Variants in WSB2 observed in about 807,000 individuals in gnomAD.
The protein encoded by WSB2 is WD repeat and SOCS box containing 2.
In WSB2, 12 loss-of-function variants were observed where a neutral mutation model predicts 48.8. That is an observed-to-expected ratio of 0.25 (90% CI 0.16 to 0.40). WSB2 has a LOEUF of 0.40. Among genes scored for constraint, WSB2 ranks in the 10% least tolerant of loss-of-function variants. The probability of loss-of-function intolerance (pLI) is 1.00; values close to 1 mark genes in which losing one functional copy is unlikely to be tolerated. For synonymous variants in WSB2, 191 were observed against 203.1 expected, an observed-to-expected ratio of 0.94 and a Z score of 0.51; for missense variants, 317 against 506.2, an observed-to-expected ratio of 0.63 and a Z score of 3.59.
intron 2 of WSB2, among the ~76,000 whole-genome samples, chr12:118,048,830 G>T (rs982624282): frequency 6.6e-6 from 1 of 152,024 alleles, no homozygotes; most frequent in Non-Finnish European, 1.5e-5. Context: ...AAAAAAAATT[G>T]TTATTGTTTT....
chr12:118,060,964 G>C lies in WSB2; in HGVS notation c.13+72C>G. 4 of 619,404 alleles carry C rather than the reference G, an allele frequency of 6.5e-6. No homozygotes were observed. Among genetic ancestry groups the C allele is most frequent in the Non-Finnish European group, 8.1e-6 (4 of 496,194 alleles). 38.4% of individuals were successfully genotyped at this position (619,404 alleles called of 1,614,324 possible). ...ACCCCGCCCAGCCCGCCCCGGGGTC[G>C]CCTCCCCCCTCCCCGGGGAGAACGG... On this transcript the variant is annotated intron_variant, in intron 1 of 8. Transcript: ENST00000315436. The surrounding 1 kb of genome is among the most constrained non-coding windows in gnomAD (Gnocchi z 4.1).
chr12:118,045,362 C>G (rs1002009052), intron 2 of WSB2, among the ~76,000 whole-genome samples: 7 of 130,502 alleles, frequency 5.4e-5, no homozygotes, highest in Non-Finnish European at 1.1e-4. Flanking sequence ...AAGACTCCAT[C>G]TCAAAAAAAA....
chr12:118,034,942 TCAG>T, intron 8 of WSB2, 41 bp downstream of exon 8: 1 of 1,584,874 alleles, frequency 6.3e-7, no homozygotes, highest in Non-Finnish European at 8.7e-7. Context: ...CATGGTATAC[TCAG>T]CAGAAAGCAC....
rs565389822 is a variant in WSB2, at chr12:118,047,719, C to G, written c.183-4342G>C. On this transcript the variant is annotated intron_variant, in intron 2 of 8. Coordinates refer to ENST00000315436, the MANE Select transcript of WSB2 (RefSeq NM_018639.5). ...CAGAGCAAGACCTTTTCTCTGCCCC[C>G]CAAAAAGCCCGATTATTTTAAATTA... Among the ~76,000 whole-genome samples, 34 of 151,638 alleles carry G rather than the reference C, an allele frequency of 2.2e-4. No individual in the cohort carries two copies. The East Asian group carries it at 3.5e-3, about 16-fold the overall frequency.
intron 8 of WSB2, chr12:118,034,572 G>GCTCTCTCTCTCTCTCTCTCTCT: frequency 2.2e-6 from 1 of 453,668 alleles, no homozygotes. Flanking sequence ...TGATACCAAA[G>GCTCTCTCTCTCTCTCTCTCTCT]CGCTCTCTCT....
chr12:118,047,860 G>A (rs2137785462), intron 2 of WSB2, among the ~76,000 whole-genome samples: 1 of 152,276 alleles, frequency 6.6e-6, no homozygotes, highest in South Asian at 2.1e-4. Flanking sequence ...ATAAATTTTT[G>A]TGTATATACA....
Position 118,052,416 on chromosome 12 carries a change from T to A in WSB2, c.76A>T (p.Ser26Cys). The change falls in exon 2 of 9, where the codon AGC becomes TGC. Residue 26 changes from serine to cysteine, a missense_variant. Ser to Cys is a moderately radical substitution (Grantham distance 112, BLOSUM62 -1). Coordinates refer to ENST00000315436, the MANE Select transcript of WSB2 (RefSeq NM_018639.5). Reference sequence around the variant, plus strand: ...AAGGCGACGCTCCAGGTTTCACAGCTGGACTTCCAATCAAACTGGTGGGGG... The same window carrying A: ...AAGGCGACGCTCCAGGTTTCACAGCAGGACTTCCAATCAAACTGGTGGGGG... ...GRPHQFDWKS[S>C]CETWSVAFSP... is the part of the protein sequence containing the mutation. 6.2e-7 allele frequency: 1 copy of A among 1,614,212 alleles called. No individual in the cohort carries two copies.
chr12:118,035,153 T>G, intron 7 of WSB2, 60 bp from the exon 8 acceptor site: 1 of 1,612,328 alleles, frequency 6.2e-7, no homozygotes, highest in African/African-American at 1.3e-5. Context: ...CAAGAGGGCC[T>G]TGCTGCCATT....
intron 1 of WSB2, among the ~76,000 whole-genome samples, chr12:118,054,123 G>A (rs2031905338): frequency 2.0e-5 from 3 of 148,078 alleles, no homozygotes; most frequent in Admixed American, 7.0e-5. Flanking sequence ...TGTAATCCCA[G>A]CACTTTGGGA....
At chr12:118,056,126 T>TCAAA (rs1220458842) in intron 1 of WSB2, among the ~76,000 whole-genome samples, 1 of 152,118 alleles carries the variant, frequency 6.6e-6, no homozygotes, top group Non-Finnish European at 1.5e-5. Context: ...GTGGTCAGTT[T>TCAAA]CAAACACTGT....
rs1423342293 is a variant in WSB2, at chr12:118,060,238, T to A, written c.13+798A>T. 6.6e-6 allele frequency among the ~76,000 whole-genome samples: 1 copy of A among 152,126 alleles called. No homozygotes were observed. Among genetic ancestry groups the A allele is most frequent in the Non-Finnish European group, 1.5e-5 (1 of 68,024 alleles). On this transcript the variant is annotated intron_variant, in intron 1 of 8. Transcript: ENST00000315436. The surrounding 1 kb of genome is among the most constrained non-coding windows in gnomAD (Gnocchi z 4.1). Reference sequence around the variant, plus strand: ...TGCATAAGAGACACACCTTTCCCACTGAGATTTTATGTTCATCTGGGCTGG... The same window carrying A: ...TGCATAAGAGACACACCTTTCCCACAGAGATTTTATGTTCATCTGGGCTGG...
At chr12:118,038,224 C>T (rs2031555606) in intron 5 of WSB2, 64 bp downstream of exon 5, 2 of 1,499,630 alleles carry the variant, frequency 1.3e-6, no homozygotes, top group Non-Finnish European at 1.8e-6. Context: ...CACTCACACA[C>T]ACCAGGCCAC....
At chr12:118,043,582 C>G (rs985050056) in intron 2 of WSB2, among the ~76,000 whole-genome samples, 4 of 152,118 alleles carry the variant, frequency 2.6e-5, no homozygotes, top group Non-Finnish European at 5.9e-5. Flanking sequence ...GTAGCTAGGA[C>G]GACAGGCATG....
At chr12:118,037,532 G>T (rs189989971) in intron 5 of WSB2, among the ~76,000 whole-genome samples, 3 of 152,040 alleles carry the variant, frequency 2.0e-5, no homozygotes, top group Admixed American at 6.6e-5. Flanking sequence ...GCCAGGCGTG[G>T]TGTAGCACGC....
At chr12:118,034,805 T>G (rs2031468314) in intron 8 of WSB2, 181 bp downstream of exon 8, 1 of 612,488 alleles carries the variant, frequency 1.6e-6, no homozygotes, top group South Asian at 2.3e-5. Flanking sequence ...TTAGGTTAAA[T>G]ATTCAGAGAA....
At chr12:118,058,623 C>T (rs1241131498) in intron 1 of WSB2, among the ~76,000 whole-genome samples, 1 of 152,108 alleles carries the variant, frequency 6.6e-6, no homozygotes, top group African/African-American at 2.4e-5. Flanking sequence ...AACTGCTGGG[C>T]CACTGCGCCT....
Position 118,034,405 on chromosome 12 carries a change from T to C in WSB2, c.1053-47A>G. ...TGCTAAGACAGAGCTTGGATGTTCATGTTTTCATGAGGATGAATACTCATG... is the reference window on the plus strand; with the variant it reads ...TGCTAAGACAGAGCTTGGATGTTCACGTTTTCATGAGGATGAATACTCATG... On this transcript the variant is annotated intron_variant, in intron 8 of 8. Transcript: ENST00000315436. 1.9e-6 allele frequency: 3 copies of C among 1,600,446 alleles called. No individual in the cohort carries two copies. The Middle Eastern group carries it at 5.0e-4, about 267-fold the overall frequency.
At chr12:118,057,266 G>T (rs558792128) in intron 1 of WSB2, among the ~76,000 whole-genome samples, 1 of 152,100 alleles carries the variant, frequency 6.6e-6, no homozygotes, top group South Asian at 2.1e-4. Flanking sequence ...ATGAATCAGG[G>T]TTTCTTTGTT....
At position 118,043,241 on chromosome 12, in the gene WSB2, T is replaced by G; in HGVS notation, c.319A>C (p.Ser107Arg). 1.2e-6 allele frequency: 2 copies of G among 1,614,222 alleles called. No homozygotes were observed. The highest frequency in any genetic ancestry group is 1.6e-4 in the Middle Eastern group (1 of 6,062). ...LAFSPWPSPP[S>R]RKLWARHHPQ... The stretch of plus-strand genomic sequence containing the variant: ...TGGTGGCGTGCCCAGAGCTTCCTGC[T>G]GGGTGGGGAAGGCCACGGGCTGAAG... Residue 107 changes from serine to arginine, a missense_variant, in exon 3 of 9, where the codon AGC (serine) becomes CGC (arginine). Transcript: ENST00000315436.
Sources: allele counts gnomAD v4.1 joint callset (sites outside exome capture counted in the v4.1 genomes callset), GRCh38; gene constraint gnomAD v4.1.1; non-coding constraint Gnocchi (gnomAD v3.1); transcripts MANE v1.5; gene names NCBI Gene and HGNC (gene_info 2026-07-23, HGNC 2026-07-21).